The following SLC1A2 variants were observed in gnomAD, a reference collection of about 807,000 sequenced individuals.
SLC1A2 encodes excitatory amino acid transporter 2.
Under a neutral mutation model 48.8 loss-of-function variants are expected in SLC1A2, and 15 were observed. That is an observed-to-expected ratio of 0.31 (90% CI 0.21 to 0.47). The LOEUF (loss-of-function observed/expected upper bound fraction) is 0.47. SLC1A2 is among the 20% of genes least tolerant of loss of function. The pLI, the probability that SLC1A2 is intolerant of heterozygous loss-of-function variation, is 0.99. For synonymous variants in SLC1A2, 279 were observed against 272.6 expected, an observed-to-expected ratio of 1.02 and a Z score of -0.23; for missense variants, 502 against 730.5, an observed-to-expected ratio of 0.69 and a Z score of 3.61.
intron 1 of SLC1A2, among the ~76,000 whole-genome samples, chr11:35,323,833 C>T (rs748469505): frequency 3.9e-5 from 6 of 152,228 alleles, no homozygotes; most frequent in Non-Finnish European, 7.3e-5. Flanking sequence ...GCCAATAAAG[C>T]TGGGTTGGGA....
chr11:35,290,960 G>C (rs1039434299), intron 7 of SLC1A2, among the ~76,000 whole-genome samples: 1 of 152,070 alleles, frequency 6.6e-6, no homozygotes, highest in Admixed American at 6.6e-5. Context: ...CAGGTGGTTG[G>C]CATTATTGGT....
At chr11:35,347,206 T>TCAGA (rs1853068150) in intron 1 of SLC1A2, among the ~76,000 whole-genome samples, 1 of 152,000 alleles carries the variant, frequency 6.6e-6, no homozygotes, top group East Asian at 1.9e-4. Flanking sequence ...TCCACAAAAG[T>TCAGA]CAGACAGAAA....
At chr11:35,273,813 A>G (rs3794099) in intron 9 of SLC1A2, among the ~76,000 whole-genome samples, 57,696 of 152,056 alleles carry the variant, frequency 0.38, 11,154 homozygotes, top group South Asian at 0.53. Context: ...TGGATTGTGA[A>G]TTTAAGACTT....
At chr11:35,320,750 C>T (rs1565241547) in intron 1 of SLC1A2, among the ~76,000 whole-genome samples, 1 of 152,190 alleles carries the variant, frequency 6.6e-6, no homozygotes, top group Non-Finnish European at 1.5e-5. Flanking sequence ...ACCATTCGTG[C>T]ATTTATTCCA....
At chr11:35,322,674 G>A (rs1373065630) in intron 1 of SLC1A2, 2 of 1,521,942 alleles carry the variant, frequency 1.3e-6, no homozygotes, top group Non-Finnish European at 1.8e-6. Flanking sequence ...AAGACACTAG[G>A]TCACCCTAGA....
At position 35,301,619 on chromosome 11, in the gene SLC1A2, C is replaced by A. The variant is rs1181898424; in HGVS notation, c.757G>T (p.Gly253Cys). ...LGLIGFFIAF[G>C]IAMGKMGDQA... is the part of the protein sequence containing the mutation. ...TCTCCCATCTTCCCCATAGCGATGCCAAAAGCAATGAAAAACCCTATCAGA... is the reference window on the plus strand; with the variant it reads ...TCTCCCATCTTCCCCATAGCGATGCAAAAAGCAATGAAAAACCCTATCAGA... The change falls in exon 6 of 11, where the codon GGC becomes TGC. Residue 253 changes from glycine to cysteine, a missense_variant. Transcript: ENST00000278379. The A allele has an allele frequency of 6.2e-7, 1 of 1,613,608 alleles. No individual in the cohort carries two copies. The highest frequency in any genetic ancestry group is 1.1e-5 in the South Asian group (1 of 91,034).
rs910093222 is a variant in SLC1A2 at position 35,252,199 on chromosome 11, G to A, written c.*8695C>T. On this transcript the variant is annotated 3_prime_UTR_variant, in exon 11 of 11. Transcript: ENST00000278379. ...CTGCAGATGCATTTGCAGTTAGTTA[G>A]TCAGCAATGTTTTTTCCTGTACCCT... 1.3e-5 allele frequency: 2 copies of A among 152,562 alleles called. No homozygotes were observed. The highest frequency in any genetic ancestry group is 2.9e-5 in the Non-Finnish European group (2 of 68,026). The allele number at this position is 152,562 out of a possible 1,614,324, so 9.5% of individuals were successfully genotyped here.
intron 5 of SLC1A2, among the ~76,000 whole-genome samples, chr11:35,303,479 A>G (rs893988737): frequency 6.6e-6 from 1 of 152,242 alleles, no homozygotes; most frequent in Non-Finnish European, 1.5e-5. Flanking sequence ...GCAGTAATGT[A>G]CAAAATCAAT....
At chr11:35,398,968 C>A (rs1259773874) in intron 1 of SLC1A2, among the ~76,000 whole-genome samples, 5 of 152,138 alleles carry the variant, frequency 3.3e-5, no homozygotes, top group African/African-American at 9.7e-5. Flanking sequence ...TCAGCAGCTT[C>A]CTGAATGGGA....
chr11:35,319,234 A>C (rs1200130404), intron 1 of SLC1A2, among the ~76,000 whole-genome samples: 2 of 152,220 alleles, frequency 1.3e-5, no homozygotes, highest in Non-Finnish European at 1.5e-5. Context: ...AAACAGACAG[A>C]AAATTCATTT....
intron 7 of SLC1A2, 64 bp downstream of exon 7, chr11:35,292,216 TTGAGAAA>T: frequency 9.0e-7 from 1 of 1,108,212 alleles, no homozygotes; most frequent in South Asian, 1.4e-5. Flanking sequence ...TGGGAGGGTT[TTGAGAAA>T]TGAGAAATGG....
intron 1 of SLC1A2, among the ~76,000 whole-genome samples, chr11:35,337,059 A>G (rs1448716674): frequency 6.6e-6 from 1 of 152,182 alleles, no homozygotes; most frequent in Non-Finnish European, 1.5e-5. Context: ...GGGGAAAAAA[A>G]GAGCTAAAGA....
chr11:35,312,134 C>CT, intron 4 of SLC1A2, 64 bp downstream of exon 4: 1 of 1,545,826 alleles, frequency 6.5e-7, no homozygotes, highest in South Asian at 1.1e-5. Flanking sequence ...TTAAAATACT[C>CT]TTAAGTTATC....
chr11:35,345,237 C>CAATT (rs1288417036), intron 1 of SLC1A2, among the ~76,000 whole-genome samples: 1 of 152,144 alleles, frequency 6.6e-6, no homozygotes, highest in African/African-American at 2.4e-5. Context: ...ACCAGGGTTC[C>CAATT]AATTACAGCT....
At chr11:35,263,022 T>C (rs941405473) in intron 10 of SLC1A2, among the ~76,000 whole-genome samples, 5 of 152,194 alleles carry the variant, frequency 3.3e-5, no homozygotes, top group Admixed American at 6.5e-5. Flanking sequence ...CAAATATTTA[T>C]TGAGTCCCCT....
chr11:35,400,962 G>A (rs1027608040), intron 1 of SLC1A2, among the ~76,000 whole-genome samples: 4 of 152,158 alleles, frequency 2.6e-5, no homozygotes, highest in Non-Finnish European at 4.4e-5. Context: ...GATGCACATC[G>A]GTTTGGTTCC....
chr11:35,272,126 G>T (rs1293628117), intron 9 of SLC1A2, among the ~76,000 whole-genome samples: 2 of 152,166 alleles, frequency 1.3e-5, no homozygotes, highest in Non-Finnish European at 2.9e-5. Context: ...GAAGAGGTTG[G>T]TGGGGAAGAA....
At chr11:35,314,529 A>G (rs1396252338) in intron 3 of SLC1A2, among the ~76,000 whole-genome samples, 2 of 152,106 alleles carry the variant, frequency 1.3e-5, no homozygotes, top group South Asian at 2.1e-4. Context: ...CTTGGCCAAT[A>G]TGGTGAAACC....
intron 1 of SLC1A2, among the ~76,000 whole-genome samples, chr11:35,358,958 G>A (rs1353267865): frequency 3.9e-5 from 6 of 152,186 alleles, no homozygotes; most frequent in Non-Finnish European, 7.3e-5. Flanking sequence ...AATATCTTAT[G>A]CCTTTAGTAC....
Sources: gnomAD v4.1 joint callset for allele counts (sites outside exome capture counted in the v4.1 genomes callset) on GRCh38, gnomAD v4.1.1 for gene constraint, MANE v1.5 for transcripts, NCBI Gene and HGNC (gene_info 2026-07-23, HGNC 2026-07-21) for gene names.